SSH1: variants seen among roughly 807,000 people sequenced by gnomAD.
SSH1 encodes the protein protein phosphatase Slingshot homolog 1.
In SSH1, 43 loss-of-function variants were observed where a neutral mutation model predicts 79.7. That is an observed-to-expected ratio of 0.54 (90% confidence interval 0.42 to 0.70). SSH1 has a LOEUF of 0.70. SSH1 is among the 30% of genes least tolerant of loss of function. The pLI is 0.00. For synonymous variants in SSH1, 599 were observed against 538.3 expected, an observed-to-expected ratio of 1.11 and a Z score of -1.56; for missense variants, 1,206 against 1,358.8, an observed-to-expected ratio of 0.89 and a Z score of 1.77.
intron 3 of SSH1, among the ~76,000 whole-genome samples, chr12:108,818,586 A>G (rs2037994049): frequency 6.6e-6 from 1 of 152,242 alleles, no homozygotes. Context: ...TAGGTTTCCA[A>G]ATACAAAATG....
chr12:108,818,184 CA>C, intron 4 of SSH1, 64 bp downstream of exon 4: 1 of 1,336,996 alleles, frequency 7.5e-7, no homozygotes, highest in Non-Finnish European at 1.1e-6. Flanking sequence ...GGCAACAGAG[CA>C]AGACCCTCAT....
chr12:108,828,715 TG>T (rs1376603996), intron 2 of SSH1, among the ~76,000 whole-genome samples: 1 of 152,154 alleles, frequency 6.6e-6, no homozygotes, highest in Non-Finnish European at 1.5e-5. Context: ...CCGTCATAGT[TG>T]GGGGACAGGA....
chr12:108,848,599 C>T (rs1252475039), intron 2 of SSH1, among the ~76,000 whole-genome samples: 1 of 152,222 alleles, frequency 6.6e-6, no homozygotes, highest in Non-Finnish European at 1.5e-5. Context: ...CAAATTAACA[C>T]ACGGATGTGA....
chr12:108,838,211 T>C (rs1259063234), intron 2 of SSH1, among the ~76,000 whole-genome samples: 1 of 152,224 alleles, frequency 6.6e-6, no homozygotes, highest in Admixed American at 6.5e-5. Context: ...TATGGGCATA[T>C]TTCATGACTT....
Position 108,787,567 on chromosome 12 carries a change from T to C in SSH1, c.*421A>G, listed in dbSNP as rs1296156115. The stretch of plus-strand genomic sequence containing the variant: ...CAGCGAGAACAGAGGTAGGACTTAA[T>C]GTTGCCATCCGAGAGTTTTCTGCGA... On this transcript the variant is annotated 3_prime_UTR_variant, in exon 15 of 15. Transcript: ENST00000326495. The C allele has an allele frequency of 4.8e-5, 10 of 207,610 alleles. No individual in the cohort carries two copies. The East Asian group carries it at 1.1e-3, about 23-fold the overall frequency. The allele number at this position is 207,610 out of a possible 1,614,324, so 12.9% of individuals were successfully genotyped here. A position where few individuals can be genotyped will look rare whatever the true frequency, so the allele number is the denominator to read the frequency against.
At chr12:108,810,682 CT>C (rs1462005080) in intron 6 of SSH1, among the ~76,000 whole-genome samples, 2 of 152,260 alleles carry the variant, frequency 1.3e-5, no homozygotes, top group Non-Finnish European at 2.9e-5. Context: ...TGTCAGGCCA[CT>C]TTCCTATTCT....
At chr12:108,804,964 G>T in intron 10 of SSH1, 92 bp downstream of exon 10, 1 of 1,542,266 alleles carries the variant, frequency 6.5e-7, no homozygotes, top group Admixed American at 1.9e-5. Flanking sequence ...TTTTTTGCCT[G>T]CTTTTTCTCC....
intron 2 of SSH1, among the ~76,000 whole-genome samples, chr12:108,828,562 T>C (rs973144787): frequency 6.6e-6 from 1 of 152,168 alleles, no homozygotes; most frequent in Non-Finnish European, 1.5e-5. Context: ...AGTGTGTGAA[T>C]GCATCATGCG....
chr12:108,791,559 G>A (rs903626993), intron 14 of SSH1, among the ~76,000 whole-genome samples: 2 of 152,150 alleles, frequency 1.3e-5, no homozygotes, highest in Non-Finnish European at 2.9e-5. Flanking sequence ...GATGGCTTGA[G>A]ACCAGGCTGG....
chr12:108,813,268 G>A (rs551060956), intron 5 of SSH1, among the ~76,000 whole-genome samples: 5 of 152,302 alleles, frequency 3.3e-5, no homozygotes, highest in South Asian at 2.1e-4. Flanking sequence ...CCTGTATGGC[G>A]GGAACAGAGA....
At chr12:108,805,231 A>C (rs1239028258) in intron 9 of SSH1, 47 bp from the exon 10 acceptor site, 5 of 1,594,340 alleles carry the variant, frequency 3.1e-6, no homozygotes, top group Admixed American at 3.3e-5. Context: ...AAAGAAAACA[A>C]TCGTCCACCT....
chr12:108,787,816 C>T lies in SSH1; in HGVS notation c.*172G>A. The T allele has an allele frequency of 1.2e-6, 1 of 821,250 alleles. No homozygotes were observed. Among genetic ancestry groups the T allele is most frequent in the Non-Finnish European group, 1.9e-6 (1 of 527,628 alleles). 50.9% of individuals were successfully genotyped at this position (821,250 alleles called of 1,614,324 possible). A position where few individuals can be genotyped will look rare whatever the true frequency, so the allele number is the denominator to read the frequency against. On this transcript the variant is annotated 3_prime_UTR_variant, in exon 15 of 15. Transcript: ENST00000326495. ...ACTGACAGCTCCCCTTCTTGTGCTG[C>T]ATGTTGGTTAGTTTCTTCTCCTCCT...
chr12:108,792,725 T>A lies in SSH1; in HGVS notation c.1454A>T (p.Asp485Val), dbSNP rs147936147. 2.4e-3 allele frequency: 3,909 copies of A among 1,613,726 alleles called. 9 individuals are homozygous for A. Among genetic ancestry groups the A allele is most frequent in the Admixed American group, 3.6e-3 (215 of 60,022 alleles). Residue 485 changes from aspartate to valine, a missense_variant, in exon 14 of 15, where the codon GAT (aspartate) becomes GTT (valine). By Grantham distance (152) the Asp-to-Val change is radical (BLOSUM62 -3). Coordinates refer to ENST00000326495, the MANE Select transcript of SSH1 (RefSeq NM_018984.4). ...GPGDFLPETP[D>V]GTPESQLPFL... ...GGGCAGCTGGCTTTCCGGGGTGCCA[T>A]CTGGGGTCTCTGGCAAGAAGTCGCC...
intron 1 of SSH1, chr12:108,853,245 C>T (rs1270355072): frequency 2.0e-6 from 2 of 985,156 alleles, no homozygotes; most frequent in Non-Finnish European, 2.4e-6. Context: ...CCTAGGCTAT[C>T]GGTTTATTTA....
At chr12:108,805,264 G>T in intron 9 of SSH1, 80 bp from the exon 10 acceptor site, 2 of 1,524,444 alleles carry the variant, frequency 1.3e-6, no homozygotes, top group Non-Finnish European at 1.8e-6. Flanking sequence ...AGTTACAATG[G>T]AAACTGTGCC....
At chr12:108,829,296 C>T (rs866056526) in intron 2 of SSH1, among the ~76,000 whole-genome samples, 13 of 152,286 alleles carry the variant, frequency 8.5e-5, no homozygotes, top group Non-Finnish European at 1.8e-4. Context: ...CACTGTACTC[C>T]AGCCTGGGCG....
intron 3 of SSH1, 48 bp from the exon 4 acceptor site, chr12:108,818,361 T>G: frequency 1.3e-6 from 2 of 1,565,840 alleles, no homozygotes; most frequent in Non-Finnish European, 1.8e-6. Context: ...ACCTACTCTC[T>G]AGGAAAAAAA....
chr12:108,784,575 T>C lies in SSH1; in HGVS notation c.*3413A>G, dbSNP rs2036218137. 6.6e-6 allele frequency: 1 copy of C among 152,230 alleles called. No homozygotes were observed. The highest frequency in any genetic ancestry group is 2.4e-5 in the African/African-American group (1 of 41,462). 9.4% of individuals were successfully genotyped at this position (152,230 alleles called of 1,614,324 possible). On this transcript the variant is annotated 3_prime_UTR_variant, in exon 15 of 15. Coordinates refer to ENST00000326495, the MANE Select transcript of SSH1 (RefSeq NM_018984.4). ...AGGAAATACATGCAACCAGGGACCTTGCTAGAAGGCTCGGAAGTAGCCGTA... is the reference window on the plus strand; with the variant it reads ...AGGAAATACATGCAACCAGGGACCTCGCTAGAAGGCTCGGAAGTAGCCGTA...
rs1486653048 is a variant in SSH1 at position 108,786,980 on chromosome 12, T to C, written c.*1008A>G. On this transcript the variant is annotated 3_prime_UTR_variant, in exon 15 of 15. Transcript: ENST00000326495. ...TAATCTCACTGCAGGAAGGGGCAAC[T>C]GTAGACATCCGGGAAGCATCCCGAC... 6.6e-6 allele frequency: 1 copy of C among 152,194 alleles called. No homozygotes were observed. The highest frequency in any genetic ancestry group is 1.5e-5 in the Non-Finnish European group (1 of 68,052). The allele number at this position is 152,194 out of a possible 1,614,324, so 9.4% of individuals were successfully genotyped here.
Sources: allele counts gnomAD v4.1 joint callset (sites outside exome capture counted in the v4.1 genomes callset), GRCh38; gene constraint gnomAD v4.1.1; transcripts MANE v1.5; gene names NCBI Gene and HGNC (gene_info 2026-07-23, HGNC 2026-07-21).